CNTNAP2: variants seen among roughly 807,000 people sequenced by gnomAD.
The protein encoded by CNTNAP2 is contactin associated protein 2, also known as contactin-associated protein-like 2.
A neutral mutation model predicts 155.2 loss-of-function variants in CNTNAP2; 98 were observed. The observed-to-expected ratio is 0.63, with a 90% CI of 0.54 to 0.75. The LOEUF is 0.75. Ranked by LOEUF, CNTNAP2 falls within the 30% of genes least tolerant of loss-of-function variation. The pLI is 0.00. For synonymous variants in CNTNAP2, 651 were observed against 631.2 expected, an observed-to-expected ratio of 1.03 and a Z score of -0.47; for missense variants, 1,727 against 1,688.1, an observed-to-expected ratio of 1.02 and a Z score of -0.40.
intron 1 of CNTNAP2, among the ~76,000 whole-genome samples, chr7:146,650,276 CA>C (rs1799885439): frequency 6.6e-6 from 1 of 152,080 alleles, no homozygotes; most frequent in African/African-American, 2.4e-5. Context: ...TTCACAATAG[CA>C]AAGACTTGGA....
chr7:147,075,261 G>T (rs939660064), intron 4 of CNTNAP2, among the ~76,000 whole-genome samples: 1 of 152,230 alleles, frequency 6.6e-6, no homozygotes, highest in Admixed American at 6.5e-5. Context: ...TGAAATTACT[G>T]GATGAGAAGT....
rs1798124560 is a variant in CNTNAP2, at chr7:146,156,279, T to C, written c.97+39306T>C. ...GTTTCTTACATTAGTGTAACCATGG[T>C]GAAAACCAAAGAGAAAATAAAGAAT... On this transcript the variant is annotated intron_variant, in intron 1 of 23. Coordinates refer to ENST00000361727, the MANE Select transcript of CNTNAP2 (RefSeq NM_014141.6). 2.0e-5 allele frequency among the ~76,000 whole-genome samples: 3 copies of C among 152,146 alleles called. No homozygotes were observed. The South Asian group carries it at 6.2e-4, about 32-fold the overall frequency.
chr7:146,977,863 G>A (rs1389986141), intron 3 of CNTNAP2, among the ~76,000 whole-genome samples: 1 of 152,098 alleles, frequency 6.6e-6, no homozygotes, highest in Non-Finnish European at 1.5e-5. Context: ...GGGTTGATAT[G>A]GAAGAGAGAT....
chr7:146,614,440 C>T (rs1281234679), intron 1 of CNTNAP2, among the ~76,000 whole-genome samples: 1 of 152,050 alleles, frequency 6.6e-6, no homozygotes, highest in Non-Finnish European at 1.5e-5. Context: ...CATGTGTCCA[C>T]CTTGAATATA....
chr7:147,800,183 A>G (rs1248520410), intron 13 of CNTNAP2, among the ~76,000 whole-genome samples: 2 of 152,182 alleles, frequency 1.3e-5, no homozygotes, highest in African/African-American at 2.4e-5. Flanking sequence ...GTCAGATTCA[A>G]TCATTCTGTC....
chr7:147,790,181 G>A (rs1226215263), intron 13 of CNTNAP2, among the ~76,000 whole-genome samples: 2 of 152,018 alleles, frequency 1.3e-5, no homozygotes, highest in Non-Finnish European at 2.9e-5. Context: ...CACCTACTAG[G>A]AAGAGCCTTC....
intron 1 of CNTNAP2, among the ~76,000 whole-genome samples, chr7:146,530,241 A>T (rs1443591464): frequency 6.6e-6 from 1 of 152,304 alleles, no homozygotes; most frequent in East Asian, 1.9e-4. Context: ...AAGATGGATT[A>T]AAGATGTAAA....
intron 1 of CNTNAP2, among the ~76,000 whole-genome samples, chr7:146,430,140 T>A (rs1008437177): frequency 6.6e-6 from 1 of 151,930 alleles, no homozygotes; most frequent in Non-Finnish European, 1.5e-5. Context: ...ATTGAGAATA[T>A]TCGCATCGAT....
At chr7:146,579,941 C>G (rs944848746) in intron 1 of CNTNAP2, among the ~76,000 whole-genome samples, 1 of 152,092 alleles carries the variant, frequency 6.6e-6, no homozygotes. Flanking sequence ...CTGACTCTTA[C>G]TTGCTGCTTG....
intron 1 of CNTNAP2, among the ~76,000 whole-genome samples, chr7:146,598,831 C>G (rs1798903403): frequency 6.6e-6 from 1 of 152,074 alleles, no homozygotes; most frequent in Non-Finnish European, 1.5e-5. Flanking sequence ...TTACTCAGAA[C>G]TGTTTCCCAA....
intron 13 of CNTNAP2, among the ~76,000 whole-genome samples, chr7:147,777,423 C>T (rs1797601272): frequency 6.6e-6 from 1 of 152,160 alleles, no homozygotes; most frequent in Non-Finnish European, 1.5e-5. Flanking sequence ...ATGATGTTCA[C>T]ACCGACTCAG....
intron 13 of CNTNAP2, among the ~76,000 whole-genome samples, chr7:147,660,438 C>T (rs1459260588): frequency 1.3e-5 from 2 of 152,164 alleles, no homozygotes; most frequent in African/African-American, 4.8e-5. Flanking sequence ...ACAGGAGACC[C>T]AGTGCTCCCT....
At chr7:148,112,166 T>G (rs564313669) in intron 15 of CNTNAP2, among the ~76,000 whole-genome samples, 8 of 152,246 alleles carry the variant, frequency 5.3e-5, no homozygotes, top group African/African-American at 1.9e-4. Flanking sequence ...TTTACTGCTG[T>G]GTTAGAGAAT....
intron 8 of CNTNAP2, among the ~76,000 whole-genome samples, chr7:147,228,378 A>G (rs1803596977): frequency 6.6e-6 from 1 of 152,184 alleles, no homozygotes; most frequent in Admixed American, 6.5e-5. Context: ...TGTAGGAGAA[A>G]GGGGGAATTG....
intron 15 of CNTNAP2, among the ~76,000 whole-genome samples, chr7:148,037,162 A>C (rs6464851): frequency 0.078 from 11,799 of 152,202 alleles, 1,100 homozygotes; most frequent in African/African-American, 0.22. Flanking sequence ...ATGGCATAGC[A>C]CTCAAACATT....
At chr7:147,149,069 C>T (rs546567885) in intron 8 of CNTNAP2, among the ~76,000 whole-genome samples, 48 of 152,176 alleles carry the variant, frequency 3.2e-4, no homozygotes, top group Middle Eastern at 3.4e-3. Flanking sequence ...GCTGGGGTGG[C>T]TAGCTCTTAT....
intron 1 of CNTNAP2, among the ~76,000 whole-genome samples, chr7:146,426,386 T>C (rs1314425075): frequency 6.1e-5 from 2 of 32,610 alleles, no homozygotes; most frequent in African/African-American, 4.2e-4. Flanking sequence ...AAACAAAATG[T>C]ATATATATAT....
At position 147,373,429 on chromosome 7, in the gene CNTNAP2, C is replaced by G. The variant is rs1311386314; in HGVS notation, c.1499-22180C>G. Among the ~76,000 whole-genome samples the G allele has an allele frequency of 3.3e-5, 5 of 152,078 alleles. No homozygotes were observed. The East Asian group carries it at 7.8e-4, about 24-fold the overall frequency. ...AATTTTAGGTAGGTGCACAAATAACCTACAGCTTTGAACTTTCTGAAGTAA... is the reference window on the plus strand; with the variant it reads ...AATTTTAGGTAGGTGCACAAATAACGTACAGCTTTGAACTTTCTGAAGTAA... On this transcript the variant is annotated intron_variant, in intron 9 of 23. Transcript: ENST00000361727.
chr7:146,780,249 G>C (rs539424831), intron 2 of CNTNAP2, among the ~76,000 whole-genome samples: 2 of 151,784 alleles, frequency 1.3e-5, no homozygotes, highest in Non-Finnish European at 1.5e-5. Context: ...GCAGTGGTGC[G>C]ATCTCGGCTC....
Sources: allele counts gnomAD v4.1 joint callset (sites outside exome capture counted in the v4.1 genomes callset), GRCh38; gene constraint gnomAD v4.1.1; transcripts MANE v1.5; gene names NCBI Gene and HGNC (gene_info 2026-07-23, HGNC 2026-07-21).